The following NDRG4 variants were observed in gnomAD, a reference collection of about 807,000 sequenced individuals.
The protein encoded by NDRG4 is protein NDRG4.
A neutral mutation model predicts 55.8 loss-of-function variants in NDRG4; 38 were observed. That is an observed-to-expected ratio of 0.68 (90% confidence interval 0.53 to 0.89). The LOEUF is 0.89. Among genes scored for constraint, NDRG4 ranks in the 40% least tolerant of loss-of-function variants. NDRG4 has a pLI of 0.00. For missense variants in NDRG4, 455 were observed against 468.6 expected (o/e 0.97, Z 0.27); for synonymous variants, 190 against 182.7 (o/e 1.04, Z -0.32).
At chr16:58,472,933 C>G (rs907834761) in intron 1 of NDRG4, among the ~76,000 whole-genome samples, 1 of 152,128 alleles carries the variant, frequency 6.6e-6, no homozygotes, top group Non-Finnish European at 1.5e-5. Context: ...AGTGGCTTCT[C>G]ATTGGCTTTG....
intron 1 of NDRG4, 100 bp downstream of exon 1, chr16:58,500,369 G>A: frequency 6.9e-7 from 1 of 1,451,514 alleles, no homozygotes; most frequent in South Asian, 1.3e-5. Flanking sequence ...CACATCTGGT[G>A]GCAGCCCGGC....
At position 58,509,367 on chromosome 16, in the gene NDRG4, A is replaced by G. The variant is rs1186811424; in HGVS notation, c.865+15A>G. 1 of 1,612,020 alleles carries G rather than the reference A, an allele frequency of 6.2e-7. No individual in the cohort carries two copies. Among genetic ancestry groups the G allele is most frequent in the Non-Finnish European group, 8.5e-7 (1 of 1,179,632 alleles). ...CATGGGCTACAGTGAGTACATTTCC[A>G]CCCCACCCCACACCACCTAGAGACC... On this transcript the variant is annotated intron_variant, in intron 13 of 14. Transcript: ENST00000570248.
chr16:58,496,661 C>A (rs2036447398), upstream of NDRG4, among the ~76,000 whole-genome samples: 1 of 152,126 alleles, frequency 6.6e-6, no homozygotes, highest in African/African-American at 2.4e-5. Context: ...ATTTGTCTAC[C>A]GCATTTTCAG....
At chr16:58,504,786 T>G (rs534762665) in intron 5 of NDRG4, 137 bp downstream of exon 5, 2 of 828,152 alleles carry the variant, frequency 2.4e-6, no homozygotes. Context: ...CTCCTCTTTA[T>G]GTAGAAAACC....
chr16:58,504,158 A>G lies in NDRG4; in HGVS notation c.132A>G (p.Lys44=). The G allele has an allele frequency of 1.2e-6, 2 of 1,614,178 alleles. No individual in the cohort carries two copies. The highest frequency in any genetic ancestry group is 2.2e-5 in the East Asian group (1 of 44,874). Residue 44 remains lysine (K), a synonymous_variant, in exon 3 of 15, where the codon AAA becomes AAG. Transcript: ENST00000570248. ...LTYHDVGLNH[K]LCFNTFFNFE... is the part of the protein sequence containing the mutation. Reference sequence around the variant, plus strand: ...AGTGGAAGTGTGTCTTTGCAGACAAACTATGCTTCAACACCTTCTTCAACT... The same window carrying G: ...AGTGGAAGTGTGTCTTTGCAGACAAGCTATGCTTCAACACCTTCTTCAACT...
downstream of NDRG4, among the ~76,000 whole-genome samples, chr16:58,514,850 A>G (rs1430531981): frequency 6.7e-6 from 1 of 149,920 alleles, no homozygotes; most frequent in East Asian, 2.0e-4. Context: ...TCACAGCCTC[A>G]TTTTCTTACA....
chr16:58,467,506 C>CAA (rs891246188), intron 1 of NDRG4, among the ~76,000 whole-genome samples: 19 of 145,542 alleles, frequency 1.3e-4, no homozygotes, highest in African/African-American at 4.3e-4. Context: ...GACTCTGTCT[C>CAA]AAAAAAAAAA....
chr16:58,498,571 A>G (rs963076241), upstream of NDRG4, among the ~76,000 whole-genome samples: 1 of 152,338 alleles, frequency 6.6e-6, no homozygotes, highest in African/African-American at 2.4e-5. Context: ...GAAGCCGGAT[A>G]GGAGGCAGCT....
chr16:58,491,356 C>A (rs79664261), intron 2 of NDRG4, among the ~76,000 whole-genome samples: 16 of 152,286 alleles, frequency 1.1e-4, no homozygotes, highest in African/African-American at 3.9e-4. Context: ...CCTACCCCCT[C>A]TCTCTGTCTT....
At chr16:58,472,294 A>T (rs1181017010) in intron 1 of NDRG4, 1 of 152,272 alleles carries the variant, frequency 6.6e-6, no homozygotes, top group Non-Finnish European at 1.5e-5. Context: ...CCCACAACCT[A>T]AGGTGAGCAC....
chr16:58,494,338 T>A (rs975260717), intron 2 of NDRG4, among the ~76,000 whole-genome samples: 3 of 152,194 alleles, frequency 2.0e-5, no homozygotes, highest in Non-Finnish European at 2.9e-5. Flanking sequence ...TCCCCCTCAC[T>A]GTGTGGGCCT....
chr16:58,482,663 CCATCCCTCCCTTCCTT>C (rs1567580513), intron 1 of NDRG4, among the ~76,000 whole-genome samples: 17 of 64,932 alleles, frequency 2.6e-4, no homozygotes, highest in African/African-American at 6.2e-4. Context: ...TTCTCTCTTT[CCATCCCTCCCTTCCTT>C]CCTCCCTCCC....
At chr16:58,468,458 C>T (rs189315542) in intron 1 of NDRG4, among the ~76,000 whole-genome samples, 137 of 152,286 alleles carry the variant, frequency 9.0e-4, no homozygotes, top group Admixed American at 2.2e-3. Context: ...AGTTGTCTCA[C>T]GCCTGTAATC....
intron 8 of NDRG4, chr16:58,507,259 T>A (rs1481927139): frequency 1.8e-6 from 1 of 542,368 alleles, no homozygotes; most frequent in African/African-American, 1.9e-5. Flanking sequence ...GGCTTCCCGC[T>A]TGGGAATGTT....
chr16:58,508,867 C>A, intron 10 of NDRG4, 95 bp from the exon 11 acceptor site: 1 of 1,395,712 alleles, frequency 7.2e-7, no homozygotes, highest in African/African-American at 1.4e-5. Context: ...TCCCTGCACC[C>A]CCTCTCCTCC....
intron 1 of NDRG4, among the ~76,000 whole-genome samples, chr16:58,485,167 G>A (rs2034946418): frequency 1.3e-5 from 2 of 152,094 alleles, no homozygotes; most frequent in African/African-American, 4.8e-5. Flanking sequence ...ACAGGCATGA[G>A]CCACCACGCC....
intron 1 of NDRG4, chr16:58,501,354 C>T (rs1010485916): frequency 2.4e-4 from 80 of 335,218 alleles, no homozygotes; most frequent in Non-Finnish European, 3.0e-4. Flanking sequence ...AGGTCACAGG[C>T]GAGGGGAGAC....
intron 1 of NDRG4, among the ~76,000 whole-genome samples, chr16:58,487,582 C>G (rs957933902): frequency 6.6e-6 from 1 of 152,230 alleles, no homozygotes; most frequent in Non-Finnish European, 1.5e-5. Context: ...GCCAGACAGG[C>G]GGGTCTTGCA....
chr16:58,495,193 G>C (rs572119789), upstream of NDRG4, among the ~76,000 whole-genome samples: 1 of 152,174 alleles, frequency 6.6e-6, no homozygotes, highest in Non-Finnish European at 1.5e-5. Flanking sequence ...GGGCCTCTAG[G>C]GGGAGTGAGA....
Sources: gnomAD v4.1 joint callset for allele counts (sites outside exome capture counted in the v4.1 genomes callset) on GRCh38, gnomAD v4.1.1 for gene constraint, MANE v1.5 for transcripts, NCBI Gene and HGNC (gene_info 2026-07-23, HGNC 2026-07-21) for gene names.